Variants in LMOD3 observed in about 807,000 individuals in gnomAD.
The protein encoded by LMOD3 is leiomodin 3, also known as leiomodin-3.
Under a neutral mutation model 41.8 loss-of-function variants are expected in LMOD3, and 31 were observed. That is an observed-to-expected ratio of 0.74 (90% confidence interval 0.56 to 1.00). The LOEUF (loss-of-function observed/expected upper bound fraction) is 1.00. Ranked by LOEUF, LMOD3 falls within the 50% of genes least tolerant of loss-of-function variation. The pLI is 0.00. For missense variants in LMOD3, 755 were observed against 679.5 expected (o/e 1.11, Z -1.23); for synonymous variants, 292 against 241.9 (o/e 1.21, Z -1.92).
intron 1 of LMOD3, 73 bp from the exon 2 acceptor site, chr3:69,120,133 G>A: frequency 6.9e-7 from 1 of 1,442,238 alleles, no homozygotes; most frequent in Non-Finnish European, 9.1e-7. Context: ...AGCTAGTGGA[G>A]ATAATAAAAA....
At chr3:69,114,055 A>G (rs1177275223) in intron 2 of LMOD3, among the ~76,000 whole-genome samples, 1 of 152,220 alleles carries the variant, frequency 6.6e-6, no homozygotes, top group Non-Finnish European at 1.5e-5. Context: ...GAAGCCAGAT[A>G]AGTCATGTAA....
Position 69,122,257 on chromosome 3 carries a change from G to A in LMOD3, c.130C>T (p.Pro44Ser). 4 of 1,613,536 alleles carry A rather than the reference G, an allele frequency of 2.5e-6. No individual in the cohort carries two copies. The highest frequency in any genetic ancestry group is 2.5e-6 in the Non-Finnish European group (3 of 1,179,778). Residue 44 changes from proline (P) to serine (S), a missense_variant, in exon 1 of 3, where the codon CCT becomes TCT. Transcript: ENST00000420581. ...ATTCCCACGGGAAGGCTGGGGTCAG[G>A]GGCCATGACTTCCATTTCCGACTGC... ...ELQSEMEVMA[P>S]DPSLPVGMIQ...
chr3:69,113,925 C>T (rs72924876), intron 2 of LMOD3, among the ~76,000 whole-genome samples: 4,268 of 152,234 alleles, frequency 0.028, 169 homozygotes, highest in African/African-American at 0.09. Context: ...TACGACTCAG[C>T]TTTATTAACT....
At chr3:69,110,838 C>CAAAAA (rs774402446) in intron 2 of LMOD3, among the ~76,000 whole-genome samples, 52 of 66,998 alleles carry the variant, frequency 7.8e-4, no homozygotes, top group African/African-American at 3.9e-3. Context: ...GACACCATCT[C>CAAAAA]AAAAAAAAAA....
intron 1 of LMOD3, 121 bp from the exon 2 acceptor site, chr3:69,120,181 C>G: frequency 3.5e-6 from 4 of 1,126,924 alleles, no homozygotes; most frequent in Non-Finnish European, 4.7e-6. Context: ...TTTAAATAAT[C>G]CTTATTTAAA....
chr3:69,122,372 G>T lies in LMOD3; in HGVS notation c.15C>A (p.Ser5Arg). The T allele has an allele frequency of 1.2e-6, 2 of 1,602,324 alleles. No homozygotes were observed. The highest frequency in any genetic ancestry group is 1.7e-6 in the Non-Finnish European group (2 of 1,171,120). The change falls in exon 1 of 3, where the codon AGC becomes AGA. Residue 5 changes from serine (S) to arginine (R), a missense_variant. Ser to Arg is a moderately radical substitution (Grantham distance 110, BLOSUM62 -1). Transcript: ENST00000420581. Reference protein sequence around the residue: MSEHSRNSDQEELLD... With the variant: MSEHRRNSDQEELLD... The stretch of plus-strand genomic sequence containing the variant: ...GAAGTTCTTCTTGATCTGAATTTCT[G>T]CTGTGCTCTGACATTATTTTTTCTA...
Position 69,108,982 on chromosome 3 carries a change from G to A in LMOD3, c.*113C>T. Reference sequence around the variant, plus strand: ...AATACCCTTATCAGATGGTAGCATTGTTTCCAGTTCTGCCACGTGGATCCT... The same window carrying A: ...AATACCCTTATCAGATGGTAGCATTATTTCCAGTTCTGCCACGTGGATCCT... On this transcript the variant is annotated 3_prime_UTR_variant, in exon 3 of 3. Transcript: ENST00000420581. 1 of 938,638 alleles carries A rather than the reference G, an allele frequency of 1.1e-6. No homozygotes were observed. Among genetic ancestry groups the A allele is most frequent in the Non-Finnish European group, 1.6e-6 (1 of 609,360 alleles). The allele number at this position is 938,638 out of a possible 1,614,324, so 58.1% of individuals were successfully genotyped here.
rs189374193 is a variant in LMOD3, at chr3:69,119,375, A to G, written c.980T>C (p.Ile327Thr). Reference sequence around the variant, plus strand: ...CTGGAGACACCTCATGATGGCCACAATCCCTTTACCTGTGATGAAATTGGA... The same window carrying G: ...CTGGAGACACCTCATGATGGCCACAGTCCCTTTACCTGTGATGAAATTGGA... The part of the protein sequence containing the change: ...IESNFITGKG[I>T]VAIMRCLQFN... Residue 327 changes from isoleucine (I) to threonine (T), a missense_variant, in exon 2 of 3, where the codon ATT becomes ACT. By Grantham distance (89) the Ile-to-Thr change is moderately conservative. Transcript: ENST00000420581. 1.4e-5 allele frequency: 23 copies of G among 1,613,984 alleles called. No individual in the cohort carries two copies. In the African/African-American group the frequency reaches 2.9e-4, roughly 21 times the overall value.
At chr3:69,115,802 T>C (rs2092369681) in intron 2 of LMOD3, among the ~76,000 whole-genome samples, 1 of 152,182 alleles carries the variant, frequency 6.6e-6, no homozygotes, top group South Asian at 2.1e-4. Flanking sequence ...GAGTCTAAGA[T>C]GTATATTTTG....
chr3:69,109,678 C>A (rs1393599799), intron 2 of LMOD3, among the ~76,000 whole-genome samples: 2 of 151,918 alleles, frequency 1.3e-5, no homozygotes, highest in Non-Finnish European at 2.9e-5. Flanking sequence ...CAGGCATGTG[C>A]CACCAATGCC....
At chr3:69,112,422 CT>C (rs1200409543) in intron 2 of LMOD3, among the ~76,000 whole-genome samples, 1 of 152,228 alleles carries the variant, frequency 6.6e-6, no homozygotes, top group Non-Finnish European at 1.5e-5. Flanking sequence ...GGCTCAAAGT[CT>C]TTCCACCACT....
rs529246301 is a variant in LMOD3 at position 69,106,723 on chromosome 3, G to A, written c.*2372C>T. The A allele has an allele frequency of 2.2e-4, 32 of 147,300 alleles. No individual in the cohort carries two copies. The highest frequency in any genetic ancestry group is 3.7e-3 in the Middle Eastern group (1 of 272). 9.1% of individuals were successfully genotyped at this position (147,300 alleles called of 1,614,324 possible). A position where few individuals can be genotyped will look rare whatever the true frequency, so the allele number is the denominator to read the frequency against. ...TTTTTTTTTTTTGAGATGAGGTTTCGCTCTTGTTGCCCAGGCTGGAGTGCA... is the reference window on the plus strand; with the variant it reads ...TTTTTTTTTTTTGAGATGAGGTTTCACTCTTGTTGCCCAGGCTGGAGTGCA... On this transcript the variant is annotated 3_prime_UTR_variant, in exon 3 of 3. Transcript: ENST00000420581.
At chr3:69,110,849 A>AT (rs1460379089) in intron 2 of LMOD3, among the ~76,000 whole-genome samples, 2 of 124,750 alleles carry the variant, frequency 1.6e-5, no homozygotes, top group Non-Finnish European at 3.1e-5. Context: ...AAAAAAAAAA[A>AT]AAAAATATAT....
intron 2 of LMOD3, 50 bp downstream of exon 2, chr3:69,118,649 C>T: frequency 1.9e-6 from 3 of 1,543,870 alleles, no homozygotes; most frequent in Non-Finnish European, 2.6e-6. Flanking sequence ...AGTTGGGATG[C>T]ATTTACTATG....
Position 69,118,761 on chromosome 3 carries a change from T to C in LMOD3, c.1594A>G (p.Ile532Val). ...PRNRPPPLVEITPRDQLLNDI... is the reference protein window; with the variant it reads ...PRNRPPPLVEVTPRDQLLNDI... Reference sequence around the variant, plus strand: ...TTTAGCAGCTGATCTCTGGGAGTGATTTCCACCAATGGGGGTGGCCTGTTT... The same window carrying C: ...TTTAGCAGCTGATCTCTGGGAGTGACTTCCACCAATGGGGGTGGCCTGTTT... Residue 532 changes from isoleucine (I) to valine (V), a missense_variant, in exon 2 of 3, where the codon ATC becomes GTC. Ile to Val is a conservative substitution (Grantham distance 29, BLOSUM62 3). Coordinates refer to ENST00000420581, the MANE Select transcript of LMOD3 (RefSeq NM_198271.5). The C allele has an allele frequency of 6.2e-7, 1 of 1,612,458 alleles. No individual in the cohort carries two copies. Among genetic ancestry groups the C allele is most frequent in the African/African-American group, 1.3e-5 (1 of 74,542 alleles).
At position 69,119,939 on chromosome 3, in the gene LMOD3, TTGC is replaced by T; in HGVS notation, c.413_415del (p.Ser138del). 2 of 1,564,198 alleles carry T rather than the reference TTGC, an allele frequency of 1.3e-6. No homozygotes were observed. Among genetic ancestry groups the T allele is most frequent in the Non-Finnish European group, 1.7e-6 (2 of 1,152,372 alleles). ...ATCTTCTTCATCTGTTTCTTGGATA[TTGC>T]TGCTGCCCTTTGATTCTCTTTTATT... On this transcript the variant is annotated inframe_deletion, in exon 2 of 3. Transcript: ENST00000420581.
intron 2 of LMOD3, among the ~76,000 whole-genome samples, chr3:69,110,838 C>CA (rs774402446): frequency 0.078 from 5,189 of 66,910 alleles, 292 homozygotes; most frequent in Non-Finnish European, 0.1. Context: ...GACACCATCT[C>CA]AAAAAAAAAA....
chr3:69,117,339 T>A (rs1189878827), intron 2 of LMOD3, among the ~76,000 whole-genome samples: 2 of 152,210 alleles, frequency 1.3e-5, no homozygotes, highest in Non-Finnish European at 2.9e-5. Flanking sequence ...TATTTCAGAA[T>A]ATCAAGCTCT....
intron 2 of LMOD3, among the ~76,000 whole-genome samples, chr3:69,116,813 C>A (rs2092375866): frequency 6.6e-6 from 1 of 152,034 alleles, no homozygotes; most frequent in Non-Finnish European, 1.5e-5. Context: ...TGGAATTGAC[C>A]CAGGAAAAAT....
Sources: allele counts gnomAD v4.1 joint callset (sites outside exome capture counted in the v4.1 genomes callset), GRCh38; gene constraint gnomAD v4.1.1; transcripts MANE v1.5; gene names NCBI Gene and HGNC (gene_info 2026-07-23, HGNC 2026-07-21).